The following ZNF385C variants were observed in gnomAD, a reference collection of about 807,000 sequenced individuals.
ZNF385C encodes the protein CTD-2132N18.2.
Under a neutral mutation model 35.4 loss-of-function variants are expected in ZNF385C, and 28 were observed. That is an observed-to-expected ratio of 0.79 (90% CI 0.59 to 1.08). ZNF385C has a LOEUF of 1.08. Ranked by LOEUF, ZNF385C falls within the 50% of genes least tolerant of loss-of-function variation. ZNF385C has a pLI of 0.00. For missense variants in ZNF385C, 605 were observed against 595.6 expected (o/e 1.02, Z -0.16); for synonymous variants, 248 against 248.2 (o/e 1.00, Z 0.01).
chr17:42,094,833 C>T (rs557997697), intron 1 of ZNF385C, among the ~76,000 whole-genome samples: 4 of 152,336 alleles, frequency 2.6e-5, no homozygotes, highest in Non-Finnish European at 5.9e-5. Context: ...CAACCGCTGC[C>T]GGCATCTGGC....
intron 6 of ZNF385C, 193 bp from the exon 7 acceptor site, chr17:42,028,439 C>T (rs2052648639): frequency 1.6e-6 from 1 of 607,286 alleles, no homozygotes; most frequent in Non-Finnish European, 2.8e-6. Flanking sequence ...TATGAAAGGC[C>T]TTTCTGCACT....
chr17:42,090,585 T>G (rs984994004), intron 1 of ZNF385C, among the ~76,000 whole-genome samples: 5 of 148,842 alleles, frequency 3.4e-5, no homozygotes, highest in African/African-American at 4.9e-5. Context: ...ACACCCAGCC[T>G]CTTATTCCCT....
At chr17:42,032,716 CTT>C (rs573697940) in intron 4 of ZNF385C, among the ~76,000 whole-genome samples, 2 of 144,810 alleles carry the variant, frequency 1.4e-5, no homozygotes, top group African/African-American at 5.0e-5. Flanking sequence ...TCTCCTCCAT[CTT>C]TTTTTTTTTT....
rs1236839692 is a variant in ZNF385C, at chr17:42,026,252, A to G, written c.*645T>C. On this transcript the variant is annotated 3_prime_UTR_variant, in exon 9 of 9. Coordinates refer to ENST00000692273, the MANE Select transcript of ZNF385C (RefSeq NM_001392013.1). ...CCAGAAGACTTAAGATTAAAACAAA[A>G]CCCTGGGCCCAACCAGAACATCACC... 6.5e-6 allele frequency: 1 copy of G among 152,960 alleles called. No individual in the cohort carries two copies. Among genetic ancestry groups the G allele is most frequent in the African/African-American group, 2.4e-5 (1 of 41,348 alleles). The allele number at this position is 152,960 out of a possible 1,614,324, so 9.5% of individuals were successfully genotyped here.
chr17:42,038,214 A>T, intron 2 of ZNF385C: 1 of 644,064 alleles, frequency 1.6e-6, no homozygotes, highest in Non-Finnish European at 2.6e-6. Flanking sequence ...TGACACACAC[A>T]CCACCATGGA....
intron 8 of ZNF385C, 67 bp downstream of exon 8, chr17:42,027,551 C>CAG: frequency 3.8e-6 from 2 of 525,320 alleles, no homozygotes; most frequent in African/African-American, 2.0e-5. Context: ...GCCCCCCCAT[C>CAG]TGGCCCTCCC....
chr17:42,096,069 G>A (rs1208171735), intron 1 of ZNF385C, among the ~76,000 whole-genome samples: 1 of 152,110 alleles, frequency 6.6e-6, no homozygotes, highest in Non-Finnish European at 1.5e-5. Context: ...CTGTGCAGAG[G>A]AGACAGCTCC....
chr17:42,075,269 C>T (rs1271334528), intron 1 of ZNF385C, among the ~76,000 whole-genome samples: 1 of 152,098 alleles, frequency 6.6e-6, no homozygotes, highest in Non-Finnish European at 1.5e-5. Context: ...TAACACTGCC[C>T]TTATCACACT....
chr17:42,042,875 G>A, intron 2 of ZNF385C: 1 of 1,232,292 alleles, frequency 8.1e-7, no homozygotes, highest in South Asian at 4.1e-5. Context: ...TAATCGCCAT[G>A]CTCTGTGCCC....
Position 42,031,625 on chromosome 17 carries a change from T to A in ZNF385C, c.670A>T (p.Ser224Cys). The change falls in exon 5 of 9, where the codon AGT (serine) becomes TGT (cysteine). Residue 224 changes from serine (S) to cysteine (C), a missense_variant. By Grantham distance (112) the Ser-to-Cys change is moderately radical. Transcript: ENST00000692273. ...LASGAPGEPQ[S>C]KVPAAPPLGP... ...AGAAGAGCTCAGGACTGACCTTTAC[T>A]CTGTGGCTCTCCAGGGGCTCCACTG... 1 of 1,550,558 alleles carries A rather than the reference T, an allele frequency of 6.4e-7. No individual in the cohort carries two copies.
intron 1 of ZNF385C, among the ~76,000 whole-genome samples, chr17:42,075,413 T>C (rs559745822): frequency 6.6e-6 from 1 of 152,204 alleles, no homozygotes; most frequent in Admixed American, 6.5e-5. Flanking sequence ...ACTGACCTGA[T>C]CTAAACCACT....
At chr17:42,041,167 T>G in intron 2 of ZNF385C, 1 of 1,232,404 alleles carries the variant, frequency 8.1e-7, no homozygotes, top group Non-Finnish European at 1.0e-6. Context: ...GGCCTCTGTG[T>G]GCAAGACACT....
At chr17:42,089,121 C>T (rs1246725246) in intron 1 of ZNF385C, among the ~76,000 whole-genome samples, 1 of 152,012 alleles carries the variant, frequency 6.6e-6, no homozygotes, top group African/African-American at 2.4e-5. Context: ...ATTAAAAGGG[C>T]AACTCTCCAG....
chr17:42,026,662 G>T lies in ZNF385C; in HGVS notation c.*235C>A. The T allele has an allele frequency of 1.7e-6, 1 of 584,174 alleles. No individual in the cohort carries two copies. The highest frequency in any genetic ancestry group is 1.9e-5 in the African/African-American group (1 of 53,556). The allele number at this position is 584,174 out of a possible 1,614,324, so 36.2% of individuals were successfully genotyped here. ...GATTTTGCATAGATCTTTGGGGTCTGTCAGGGTGGGAAATGCAGGCAAGCC... is the reference window on the plus strand; with the variant it reads ...GATTTTGCATAGATCTTTGGGGTCTTTCAGGGTGGGAAATGCAGGCAAGCC... On this transcript the variant is annotated 3_prime_UTR_variant, in exon 9 of 9. Coordinates refer to ENST00000692273, the MANE Select transcript of ZNF385C (RefSeq NM_001392013.1).
At chr17:42,055,002 C>G (rs2143794719) in intron 2 of ZNF385C, among the ~76,000 whole-genome samples, 1 of 152,232 alleles carries the variant, frequency 6.6e-6, no homozygotes, top group South Asian at 2.1e-4. Context: ...TCTTTACCGA[C>G]CTGAGCACCT....
At chr17:42,089,064 A>G (rs1481975443) in intron 1 of ZNF385C, among the ~76,000 whole-genome samples, 1 of 151,894 alleles carries the variant, frequency 6.6e-6, no homozygotes, top group Non-Finnish European at 1.5e-5. Flanking sequence ...CTACTTCCCC[A>G]CTTCCTCTCC....
intron 2 of ZNF385C, chr17:42,039,591 C>G (rs1395678954): frequency 9.8e-7 from 1 of 1,018,786 alleles, no homozygotes; most frequent in African/African-American, 1.7e-5. Context: ...TGGCCTCAGG[C>G]CCCTGGGAGG....
chr17:42,092,517 A>G (rs547616810), intron 1 of ZNF385C, among the ~76,000 whole-genome samples: 5 of 152,252 alleles, frequency 3.3e-5, no homozygotes, highest in Admixed American at 2.0e-4. Context: ...TTGGGGTCCT[A>G]GGGAGATTGT....
intron 6 of ZNF385C, 85 bp from the exon 7 acceptor site, chr17:42,028,331 C>T: frequency 7.2e-7 from 1 of 1,391,344 alleles, no homozygotes; most frequent in East Asian, 2.4e-5. Flanking sequence ...TGCAATTTGG[C>T]TCTCCCTGTA....
Sources: gnomAD v4.1 joint callset for allele counts (sites outside exome capture counted in the v4.1 genomes callset) on GRCh38, gnomAD v4.1.1 for gene constraint, MANE v1.5 for transcripts, NCBI Gene and HGNC (gene_info 2026-07-23, HGNC 2026-07-21) for gene names.